The following EFCAB6 variants were observed in gnomAD, a reference collection of about 807,000 sequenced individuals.
EFCAB6 encodes the protein EF-hand calcium-binding domain-containing protein 6.
Under a neutral mutation model 169.8 loss-of-function variants are expected in EFCAB6, and 156 were observed. That is an observed-to-expected ratio of 0.92 (90% confidence interval 0.81 to 1.05). The LOEUF (loss-of-function observed/expected upper bound fraction) is 1.05. Ranked by LOEUF, EFCAB6 falls within the 50% of genes least tolerant of loss-of-function variation. EFCAB6 has a pLI of 0.00. For missense variants in EFCAB6, 1,800 were observed against 1,829.1 expected, an observed-to-expected ratio of 0.98 and a Z score of 0.29; for synonymous variants, 698 against 676.4, an observed-to-expected ratio of 1.03 and a Z score of -0.50.
At chr22:43,677,370 A>T (rs1213964436) in intron 13 of EFCAB6, among the ~76,000 whole-genome samples, 1 of 152,178 alleles carries the variant, frequency 6.6e-6, no homozygotes, top group East Asian at 1.9e-4. Context: ...GGCTGTGGCC[A>T]GGCGCGGTGG....
intron 4 of EFCAB6, among the ~76,000 whole-genome samples, chr22:43,765,661 G>A (rs191966705): frequency 1.3e-4 from 19 of 151,958 alleles, no homozygotes; most frequent in African/African-American, 3.4e-4. Flanking sequence ...ATTTAAAATC[G>A]CCTAAAAAAT....
intron 26 of EFCAB6, among the ~76,000 whole-genome samples, chr22:43,560,749 G>A (rs908897517): frequency 2.6e-5 from 4 of 152,320 alleles, no homozygotes; most frequent in African/African-American, 7.2e-5. Context: ...GCCGAGAAAT[G>A]CCTGAAGTCA....
intron 6 of EFCAB6, among the ~76,000 whole-genome samples, chr22:43,751,926 A>G (rs1408468260): frequency 6.6e-6 from 1 of 152,156 alleles, no homozygotes; most frequent in Non-Finnish European, 1.5e-5. Context: ...GCGATAAAGC[A>G]CTTAGAACAG....
intron 3 of EFCAB6, among the ~76,000 whole-genome samples, chr22:43,773,374 A>G (rs1048102279): frequency 6.6e-6 from 1 of 152,272 alleles, no homozygotes; most frequent in African/African-American, 2.4e-5. Context: ...AGGTCAGTAC[A>G]AGTGAAAAAC....
chr22:43,752,968 G>A (rs1004962957), intron 6 of EFCAB6, among the ~76,000 whole-genome samples: 1 of 152,144 alleles, frequency 6.6e-6, no homozygotes, highest in African/African-American at 2.4e-5. Flanking sequence ...CATCAGTAGG[G>A]GAAGGGACTC....
At chr22:43,613,436 A>C (rs2053465518) in intron 21 of EFCAB6, among the ~76,000 whole-genome samples, 2 of 152,168 alleles carry the variant, frequency 1.3e-5, no homozygotes, top group Admixed American at 1.3e-4. Flanking sequence ...AGTCATACAA[A>C]AGAATAAGAT....
chr22:43,584,844 C>T (rs898433811), intron 24 of EFCAB6, among the ~76,000 whole-genome samples: 1 of 152,156 alleles, frequency 6.6e-6, no homozygotes, highest in African/African-American at 2.4e-5. Context: ...TGGATTACAA[C>T]TGAAAGAACT....
intron 7 of EFCAB6, among the ~76,000 whole-genome samples, chr22:43,732,807 G>C (rs1337983770): frequency 6.6e-6 from 1 of 151,938 alleles, no homozygotes; most frequent in African/African-American, 2.4e-5. Context: ...TAAGATGTTT[G>C]AATTTTTAAA....
At chr22:43,782,846 G>A (rs1275200419) in intron 2 of EFCAB6, among the ~76,000 whole-genome samples, 4 of 152,070 alleles carry the variant, frequency 2.6e-5, no homozygotes, top group Admixed American at 2.0e-4. Context: ...AGCAATCTGG[G>A]GAGCATTTAT....
rs552848648 is a variant in EFCAB6, at chr22:43,684,780, A to G, written c.1143-925T>C. Among the ~76,000 whole-genome samples the G allele has an allele frequency of 2.6e-4, 40 of 152,334 alleles. No individual in the cohort carries two copies. The East Asian group carries it at 7.7e-3, about 29-fold the overall frequency. On this transcript the variant is annotated intron_variant, in intron 11 of 31. Transcript: ENST00000262726. ...TTTTCTATAGACGGCCAGCACTGGC[A>G]TGAAGAGATGCTTTTTACAGCAGAT...
intron 22 of EFCAB6, 45 bp from the exon 23 acceptor site, chr22:43,600,308 AAGGTG>A: frequency 6.3e-7 from 1 of 1,594,030 alleles, no homozygotes; most frequent in Non-Finnish European, 8.6e-7. Flanking sequence ...AGTAGCCAGT[AAGGTG>A]TGCTGATGCT....
chr22:43,659,798 T>C (rs546632063), intron 17 of EFCAB6, among the ~76,000 whole-genome samples: 1 of 152,152 alleles, frequency 6.6e-6, no homozygotes, highest in Non-Finnish European at 1.5e-5. Context: ...ATTCTCTGGA[T>C]ATGTGAGTTT....
chr22:43,553,572 C>A (rs2048513265), intron 27 of EFCAB6: 1 of 152,366 alleles, frequency 6.6e-6, no homozygotes. Context: ...CCCTGCACTG[C>A]TTTGGCATTT....
At chr22:43,633,454 A>G (rs2055132715) in intron 18 of EFCAB6, among the ~76,000 whole-genome samples, 1 of 152,202 alleles carries the variant, frequency 6.6e-6, no homozygotes, top group African/African-American at 2.4e-5. Context: ...AGGCTGAGGC[A>G]GGAGAATCAC....
At chr22:43,681,850 G>C (rs928253281) in intron 12 of EFCAB6, among the ~76,000 whole-genome samples, 1 of 152,152 alleles carries the variant, frequency 6.6e-6, no homozygotes, top group Admixed American at 6.5e-5. Context: ...ATTCCTTCTG[G>C]ATGACTGAGA....
At chr22:43,758,177 T>C (rs1340709796) in intron 5 of EFCAB6, among the ~76,000 whole-genome samples, 3 of 152,178 alleles carry the variant, frequency 2.0e-5, no homozygotes, top group Non-Finnish European at 2.9e-5. Flanking sequence ...AAAAAGTCAA[T>C]AACTGGAATT....
At chr22:43,669,967 A>G (rs1395647732) in intron 15 of EFCAB6, among the ~76,000 whole-genome samples, 4 of 152,194 alleles carry the variant, frequency 2.6e-5, no homozygotes, top group Non-Finnish European at 5.9e-5. Flanking sequence ...CTGACCACAA[A>G]TAAAATGTAT....
intron 26 of EFCAB6, among the ~76,000 whole-genome samples, chr22:43,569,774 G>C (rs879163259): frequency 6.6e-6 from 1 of 152,244 alleles, no homozygotes; most frequent in Non-Finnish European, 1.5e-5. Context: ...TTGGCAAGTA[G>C]AGAGTGAGTG....
intron 20 of EFCAB6, among the ~76,000 whole-genome samples, chr22:43,618,911 T>TC (rs1491390202): frequency 1.5e-3 from 1 of 686 alleles, no homozygotes; most frequent in Non-Finnish European, 2.0e-3. Context: ...TCTCTCTCTC[T>TC]TTTTTTTTTT....
Sources: gnomAD v4.1 joint callset for allele counts (sites outside exome capture counted in the v4.1 genomes callset) on GRCh38, gnomAD v4.1.1 for gene constraint, MANE v1.5 for transcripts, NCBI Gene and HGNC (gene_info 2026-07-23, HGNC 2026-07-21) for gene names.